NELL1: variants seen among roughly 807,000 people sequenced by gnomAD.
NELL1 encodes protein kinase C-binding protein NELL1.
A neutral mutation model predicts 107.4 loss-of-function variants in NELL1; 76 were observed. The ratio of observed to expected loss-of-function variants is 0.71; its 90% CI spans 0.59 to 0.86. The LOEUF (loss-of-function observed/expected upper bound fraction) is 0.86. NELL1 is among the 40% of genes least tolerant of loss of function. NELL1 has a pLI of 0.00. For missense variants in NELL1, 1,024 were observed against 1,005.5 expected, an observed-to-expected ratio of 1.02 and a Z score of -0.25; for synonymous variants, 353 against 341.2, an observed-to-expected ratio of 1.03 and a Z score of -0.38.
intron 10 of NELL1, among the ~76,000 whole-genome samples, chr11:20,938,908 G>GTCTCTGTC (rs1554947414): frequency 2.8e-5 from 4 of 144,540 alleles, no homozygotes; most frequent in Non-Finnish European, 4.5e-5. Flanking sequence ...TTCTCTCTCT[G>GTCTCTGTC]TCTCTCTCTC....
chr11:21,455,407 C>T (rs1039087713), intron 15 of NELL1, among the ~76,000 whole-genome samples: 2 of 147,854 alleles, frequency 1.4e-5, no homozygotes, highest in African/African-American at 2.5e-5. Flanking sequence ...TCATGACTCA[C>T]TGCAGCCTTG....
At position 20,710,294 on chromosome 11, in the gene NELL1, A is replaced by T. The variant is rs538651941; in HGVS notation, c.184+32234A>T. ...AGATTTTGTCAAATGCTTTTTCTGC[A>T]TGTATTCAGATGATCATATATTTGT... is the stretch of plus-strand genomic sequence containing the variant. On this transcript the variant is annotated intron_variant, in intron 2 of 19. Transcript: ENST00000357134. Among the ~76,000 whole-genome samples the T allele has an allele frequency of 2.1e-4, 32 of 152,296 alleles. No homozygotes were observed. The South Asian group carries it at 4.8e-3, about 23-fold the overall frequency.
At chr11:21,086,161 C>A (rs1273996773) in intron 12 of NELL1, among the ~76,000 whole-genome samples, 2 of 152,130 alleles carry the variant, frequency 1.3e-5, no homozygotes, top group African/African-American at 4.8e-5. Flanking sequence ...CTGTGTCATA[C>A]CCTAACACCT....
At chr11:20,943,678 G>T (rs558209793) in intron 10 of NELL1, among the ~76,000 whole-genome samples, 1 of 152,240 alleles carries the variant, frequency 6.6e-6, no homozygotes, top group South Asian at 2.1e-4. Flanking sequence ...GAAAATCGAG[G>T]CACAGAAGAA....
chr11:20,694,532 C>A (rs1403267512), intron 2 of NELL1, among the ~76,000 whole-genome samples: 1 of 152,014 alleles, frequency 6.6e-6, no homozygotes, highest in African/African-American at 2.4e-5. Context: ...GGTCCTTTCC[C>A]CATCACTTAT....
chr11:20,951,359 A>G (rs1851065494), intron 11 of NELL1, among the ~76,000 whole-genome samples: 1 of 152,032 alleles, frequency 6.6e-6, no homozygotes, highest in Admixed American at 6.6e-5. Context: ...CCCCCACCCC[A>G]CAATTATTGA....
At chr11:21,078,389 G>A (rs10833456) in intron 12 of NELL1, among the ~76,000 whole-genome samples, 63,149 of 151,754 alleles carry the variant, frequency 0.42, 13,325 homozygotes, top group African/African-American at 0.45. Flanking sequence ...TAAAGACACA[G>A]AAAAGAATAT....
chr11:21,285,796 A>G (rs546073567), intron 14 of NELL1, among the ~76,000 whole-genome samples: 1 of 152,374 alleles, frequency 6.6e-6, no homozygotes, highest in East Asian at 1.9e-4. Context: ...ATAAAACAAA[A>G]CAAAAGAAAA....
chr11:20,695,385 A>C (rs1349287979), intron 2 of NELL1, among the ~76,000 whole-genome samples: 3 of 152,100 alleles, frequency 2.0e-5, no homozygotes, highest in Non-Finnish European at 2.9e-5. Flanking sequence ...CTCAAGGGGA[A>C]TGCTCCCAGC....
intron 3 of NELL1, among the ~76,000 whole-genome samples, chr11:20,814,700 G>A (rs951761562): frequency 6.6e-6 from 1 of 152,150 alleles, no homozygotes; most frequent in Admixed American, 6.5e-5. Flanking sequence ...CCAGTCCACT[G>A]TTGGTGGGCA....
intron 15 of NELL1, among the ~76,000 whole-genome samples, chr11:21,403,610 A>C (rs1280272341): frequency 5.4e-4 from 81 of 150,676 alleles, no homozygotes; most frequent in Middle Eastern, 3.4e-3. Flanking sequence ...GCTCTTCAAA[A>C]AAAAAAAAAA....
At chr11:21,504,244 T>C (rs918853449) in intron 15 of NELL1, 12 of 152,238 alleles carry the variant, frequency 7.9e-5, no homozygotes, top group African/African-American at 2.9e-4. Flanking sequence ...TTAACTTTTA[T>C]TGTGACAATA....
chr11:20,829,489 G>C (rs1564925969), intron 3 of NELL1, among the ~76,000 whole-genome samples: 1 of 151,846 alleles, frequency 6.6e-6, no homozygotes, highest in East Asian at 1.9e-4. Flanking sequence ...GCCTCTCAAA[G>C]TGTTGGGATT....
chr11:21,202,188 T>A (rs1857284973), intron 13 of NELL1, among the ~76,000 whole-genome samples: 1 of 152,232 alleles, frequency 6.6e-6, no homozygotes, highest in Admixed American at 6.5e-5. Context: ...TTGGAATAGT[T>A]CCAGAAGGAA....
intron 1 of NELL1, among the ~76,000 whole-genome samples, chr11:20,676,738 T>C (rs990036125): frequency 1.3e-5 from 2 of 152,162 alleles, no homozygotes; most frequent in African/African-American, 2.4e-5. Context: ...GAGGTGGTGA[T>C]AGCTTATGAT....
At chr11:20,951,000 A>G (rs1851058858) in intron 11 of NELL1, among the ~76,000 whole-genome samples, 1 of 152,224 alleles carries the variant, frequency 6.6e-6, no homozygotes, top group Non-Finnish European at 1.5e-5. Flanking sequence ...ATCATTCCTC[A>G]GAAGTCTAAG....
intron 2 of NELL1, among the ~76,000 whole-genome samples, chr11:20,752,226 T>G (rs945640193): frequency 6.6e-6 from 1 of 152,198 alleles, no homozygotes; most frequent in South Asian, 2.1e-4. Flanking sequence ...TGAGTTGTCA[T>G]GTATTCCTAC....
Position 21,016,258 on chromosome 11 carries a change from A to G in NELL1, c.1300+55698A>G, listed in dbSNP as rs185872685. Among the ~76,000 whole-genome samples the G allele has an allele frequency of 2.6e-5, 4 of 152,238 alleles. No homozygotes were observed. In the East Asian group the frequency reaches 7.7e-4, roughly 29 times the overall value. On this transcript the variant is annotated intron_variant, in intron 12 of 19. Coordinates refer to ENST00000357134, the MANE Select transcript of NELL1 (RefSeq NM_006157.5). ...TAATTCATTCACTTTCTCCCTTTCA[A>G]TAGGTGAAGATAAATTAACTAGAGA...
In NELL1 at chr11:21,314,849, G is replaced by A. The variant is rs79807587; in HGVS notation, c.1550-56004G>A. On this transcript the variant is annotated intron_variant, in intron 14 of 19. Coordinates refer to ENST00000357134, the MANE Select transcript of NELL1 (RefSeq NM_006157.5). Reference sequence around the variant, plus strand: ...CGATGGACTGGAAGAAAGTGCAGTGGATACAGCAAGAGGGCTTTTTTTTTT... The same window carrying A: ...CGATGGACTGGAAGAAAGTGCAGTGAATACAGCAAGAGGGCTTTTTTTTTT... Among the ~76,000 whole-genome samples the A allele has an allele frequency of 5.9e-3, 900 of 151,846 alleles. 12 individuals carry two copies. Among genetic ancestry groups the A allele is most frequent in the African/African-American group, 0.021 (869 of 41,332 alleles).
Sources: allele counts gnomAD v4.1 joint callset (sites outside exome capture counted in the v4.1 genomes callset), GRCh38; gene constraint gnomAD v4.1.1; transcripts MANE v1.5; gene names NCBI Gene and HGNC (gene_info 2026-07-23, HGNC 2026-07-21).